The following ENPP3 variants were observed in gnomAD, a reference collection of about 807,000 sequenced individuals.
The protein encoded by ENPP3 is ectonucleotide pyrophosphatase/phosphodiesterase family member 3.
Under a neutral mutation model 117.8 loss-of-function variants are expected in ENPP3, and 104 were observed. The observed-to-expected ratio is 0.88, with a 90% confidence interval of 0.75 to 1.04. The LOEUF (loss-of-function observed/expected upper bound fraction) is 1.04. Among genes scored for constraint, ENPP3 ranks in the 50% least tolerant of loss-of-function variants. ENPP3 has a pLI of 0.00. For missense variants in ENPP3, 1,026 were observed against 1,051.9 expected (o/e 0.98, Z 0.34); for synonymous variants, 380 against 349.9 (o/e 1.09, Z -0.96).
At chr6:131,667,801 A>G (rs1778649289) in intron 6 of ENPP3, among the ~76,000 whole-genome samples, 1 of 152,110 alleles carries the variant, frequency 6.6e-6, no homozygotes, top group Admixed American at 6.5e-5. Context: ...CTATTGAATG[A>G]TTGTGTCTGC....
chr6:131,673,831 T>C (rs1778804224), intron 7 of ENPP3, among the ~76,000 whole-genome samples: 1 of 152,150 alleles, frequency 6.6e-6, no homozygotes, highest in Non-Finnish European at 1.5e-5. Context: ...TGACATAGCA[T>C]GTATATTGCA....
At position 131,679,185 on chromosome 6, in the gene ENPP3, C is replaced by T. The variant is rs562949112; in HGVS notation, c.1011+1245C>T. Among the ~76,000 whole-genome samples, 59 of 151,268 alleles carry T rather than the reference C, an allele frequency of 3.9e-4. 1 individual carries two copies. The highest frequency in any genetic ancestry group is 1.4e-3 in the African/African-American group (56 of 41,088). On this transcript the variant is annotated intron_variant, in intron 11 of 24. Coordinates refer to ENST00000357639, the MANE Select transcript of ENPP3 (RefSeq NM_005021.5). Reference sequence around the variant, plus strand: ...TCTCAGCTCTCTGCAACCTCCATGTCCCGGATTCAAGCAGTTCTCCTGTCT... The same window carrying T: ...TCTCAGCTCTCTGCAACCTCCATGTTCCGGATTCAAGCAGTTCTCCTGTCT...
chr6:131,687,008 AT>A (rs1779168095), intron 14 of ENPP3, among the ~76,000 whole-genome samples: 1 of 152,104 alleles, frequency 6.6e-6, no homozygotes, highest in South Asian at 2.1e-4. Context: ...AGAATGTTTT[AT>A]TTTGGTGGAG....
chr6:131,669,419 T>C (rs1033644171), intron 6 of ENPP3, among the ~76,000 whole-genome samples: 1 of 152,012 alleles, frequency 6.6e-6, no homozygotes, highest in Non-Finnish European at 1.5e-5. Flanking sequence ...ACATCTATAA[T>C]CCCAGCACTT....
rs1272561935 is a variant in ENPP3 at position 131,676,764 on chromosome 6, A to G, written c.901A>G (p.Thr301Ala). The change falls in exon 10 of 25, where the codon ACA becomes GCA. Residue 301 changes from threonine to alanine, a missense_variant. Physicochemically the swap from Thr to Ala is moderately conservative, Grantham distance 58. Coordinates refer to ENST00000357639, the MANE Select transcript of ENPP3 (RefSeq NM_005021.5). ...GSVPFEERISTLLKWLDLPKA... is the reference protein window; with the variant it reads ...GSVPFEERISALLKWLDLPKA... ...TGTCCCATTTGAAGAGAGGATTTCT[A>G]CACTGTTAAAATGGCTGGACCTGCC... 2 of 1,611,122 alleles carry G rather than the reference A, an allele frequency of 1.2e-6. No individual in the cohort carries two copies. The highest frequency in any genetic ancestry group is 1.1e-5 in the South Asian group (1 of 91,020).
intron 21 of ENPP3, among the ~76,000 whole-genome samples, chr6:131,734,209 C>T (rs563443595): frequency 5.3e-5 from 8 of 152,252 alleles, no homozygotes; most frequent in African/African-American, 1.7e-4. Flanking sequence ...TTTGGCCTGT[C>T]GCTCATGCTG....
chr6:131,737,417 T>A lies in ENPP3; in HGVS notation c.2152T>A (p.Tyr718Asn), dbSNP rs1288241584. Residue 718 changes from tyrosine (Y) to asparagine (N), a missense_variant, in exon 22 of 25, where the codon TAT becomes AAT. Coordinates refer to ENST00000357639, the MANE Select transcript of ENPP3 (RefSeq NM_005021.5). ...ALITSNLVPM[Y>N]EEFRKMWDYF... ...AATTACTAGCAATTTGGTACCTATGTATGAAGAATTCAGAAGTAAGTATGA... is the reference window on the plus strand; with the variant it reads ...AATTACTAGCAATTTGGTACCTATGAATGAAGAATTCAGAAGTAAGTATGA... The A allele has an allele frequency of 6.3e-7, 1 of 1,579,728 alleles. No homozygotes were observed. The highest frequency in any genetic ancestry group is 1.3e-5 in the African/African-American group (1 of 74,248).
intron 12 of ENPP3, 149 bp downstream of exon 12, chr6:131,683,311 A>G: frequency 5.2e-6 from 3 of 574,608 alleles, no homozygotes; most frequent in East Asian, 3.0e-5. Context: ...GTAGAATGTG[A>G]TGAAAAGAGG....
chr6:131,679,078 T>TTTTC (rs1778962575), intron 11 of ENPP3, among the ~76,000 whole-genome samples: 1 of 134,786 alleles, frequency 7.4e-6, no homozygotes, highest in South Asian at 2.4e-4. Flanking sequence ...TCTTTCTTTC[T>TTTTC]TTCTTTCTTT....
intron 12 of ENPP3, among the ~76,000 whole-genome samples, chr6:131,684,154 C>T (rs1156469206): frequency 1.3e-5 from 2 of 152,150 alleles, no homozygotes; most frequent in South Asian, 2.1e-4. Context: ...TTGAGGAGGA[C>T]GTTTAAAGTC....
At position 131,674,272 on chromosome 6, in the gene ENPP3, T is replaced by C. The variant is rs202108096; in HGVS notation, c.753T>C (p.His251=). The change falls in exon 8 of 25, where the codon CAT becomes CAC. Residue 251 remains histidine, a synonymous_variant. Coordinates refer to ENST00000357639, the MANE Select transcript of ENPP3 (RefSeq NM_005021.5). ...SKEQNNPAWW[H]GQPMWLTAMY... ...AACAAAATAATCCAGCCTGGTGGCA[T>C]GGGCAACCAGTATGTAGCATTCTAC... The C allele has an allele frequency of 6.2e-7, 1 of 1,613,544 alleles. No homozygotes were observed. Among genetic ancestry groups the C allele is most frequent in the Non-Finnish European group, 8.5e-7 (1 of 1,179,656 alleles).
intron 15 of ENPP3, among the ~76,000 whole-genome samples, chr6:131,715,507 G>A (rs1003613371): frequency 1.7e-4 from 24 of 140,426 alleles, no homozygotes; most frequent in Non-Finnish European, 3.0e-4. Flanking sequence ...CAGAGATTGC[G>A]GTGTAGTGGG....
intron 7 of ENPP3, among the ~76,000 whole-genome samples, chr6:131,673,633 C>G (rs961252299): frequency 6.6e-6 from 1 of 151,634 alleles, no homozygotes; most frequent in African/African-American, 2.4e-5. Flanking sequence ...ACATGTTTAC[C>G]TAGGTAACAA....
chr6:131,639,080 G>A (rs901362027), intron 1 of ENPP3, among the ~76,000 whole-genome samples: 24 of 151,694 alleles, frequency 1.6e-4, no homozygotes, highest in African/African-American at 5.3e-4. Flanking sequence ...TAAGGTCACC[G>A]CTATTCTCTG....
intron 12 of ENPP3, 38 bp downstream of exon 12, chr6:131,683,200 T>C: frequency 9.1e-7 from 1 of 1,098,292 alleles, no homozygotes; most frequent in Non-Finnish European, 1.4e-6. Flanking sequence ...TATCATTGAC[T>C]ATAATTTATC....
At chr6:131,746,566 A>G (rs1361813328) in intron 24 of ENPP3, among the ~76,000 whole-genome samples, 2 of 152,174 alleles carry the variant, frequency 1.3e-5, no homozygotes, top group East Asian at 3.8e-4. Context: ...AGTAAACATA[A>G]AAATAGATAA....
rs202108096 is a variant in ENPP3, at chr6:131,674,272, T to A, written c.753T>A (p.His251Gln). The A allele has an allele frequency of 1.5e-4, 238 of 1,613,546 alleles. No individual in the cohort carries two copies. Among genetic ancestry groups the A allele is most frequent in the Non-Finnish European group, 1.8e-4 (207 of 1,179,658 alleles). Residue 251 changes from histidine to glutamine, a missense_variant, in exon 8 of 25, where the codon CAT becomes CAA. Coordinates refer to ENST00000357639, the MANE Select transcript of ENPP3 (RefSeq NM_005021.5). ...SKEQNNPAWW[H>Q]GQPMWLTAMY... is the part of the protein sequence containing the mutation. ...AACAAAATAATCCAGCCTGGTGGCA[T>A]GGGCAACCAGTATGTAGCATTCTAC... is the stretch of plus-strand genomic sequence containing the variant.
chr6:131,715,360 CT>C (rs1346712718), intron 15 of ENPP3, among the ~76,000 whole-genome samples: 1 of 135,630 alleles, frequency 7.4e-6, no homozygotes, highest in Non-Finnish European at 1.5e-5. Context: ...GGCTGGCAGC[CT>C]GGGTTGCCCC....
At chr6:131,697,242 G>C (rs1409772636) in intron 15 of ENPP3, among the ~76,000 whole-genome samples, 4 of 152,170 alleles carry the variant, frequency 2.6e-5, no homozygotes, top group Non-Finnish European at 4.4e-5. Flanking sequence ...TGACTAAGGA[G>C]TGTGACTTTG....
Sources: allele counts gnomAD v4.1 joint callset (sites outside exome capture counted in the v4.1 genomes callset), GRCh38; gene constraint gnomAD v4.1.1; transcripts MANE v1.5; gene names NCBI Gene and HGNC (gene_info 2026-07-23, HGNC 2026-07-21).